The following SYTL3 variants were observed in gnomAD, a reference collection of about 807,000 sequenced individuals.
SYTL3 encodes the protein synaptotagmin like 3, also known as synaptotagmin-like protein 3.
Under a neutral mutation model 82.1 loss-of-function variants are expected in SYTL3, and 88 were observed. The observed-to-expected ratio is 1.07, with a 90% CI of 0.90 to 1.28. SYTL3 has a LOEUF of 1.28. Among genes scored for constraint, SYTL3 ranks in the 50% most tolerant of loss-of-function variants. SYTL3 has a pLI of 0.00. For missense variants in SYTL3, 831 were observed against 757.6 expected (o/e 1.10, Z -1.14); for synonymous variants, 311 against 289.4 (o/e 1.07, Z -0.76).
intron 2 of SYTL3, among the ~76,000 whole-genome samples, chr6:158,658,172 G>A (rs1239036041): frequency 6.6e-6 from 1 of 152,202 alleles, no homozygotes; most frequent in South Asian, 2.1e-4. Context: ...GATTACAGGC[G>A]TGAGCCACCA....
Position 158,708,382 on chromosome 6 carries a change from T to G in SYTL3, c.507T>G (p.Ser169Arg). The G allele has an allele frequency of 6.2e-7, 1 of 1,614,082 alleles. No homozygotes were observed. Among genetic ancestry groups the G allele is most frequent in the Non-Finnish European group, 8.5e-7 (1 of 1,179,950 alleles). ...PPVSESQCSR[S>R]PGRLQEFGQF... is the part of the protein sequence containing the mutation. ...TCAGCGAGAGCCAGTGCAGCCGCAGTCCTGGCAGGGTAACGTATCCATTCT... is the reference window on the plus strand; with the variant it reads ...TCAGCGAGAGCCAGTGCAGCCGCAGGCCTGGCAGGGTAACGTATCCATTCT... The change falls in exon 8 of 18, where the codon AGT (serine) becomes AGG (arginine). Residue 169 changes from serine to arginine, a missense_variant. Coordinates refer to ENST00000611299, the MANE Select transcript of SYTL3 (RefSeq NM_001242394.2).
chr6:158,761,999 C>T (rs772820841), intron 15 of SYTL3, 77 bp from the exon 16 acceptor site: 23 of 1,021,038 alleles, frequency 2.3e-5, no homozygotes, highest in African/African-American at 1.4e-4. Flanking sequence ...GCTGAGCTCT[C>T]GGTTTTGGGG....
At chr6:158,734,051 C>T (rs370024033) in intron 11 of SYTL3, among the ~76,000 whole-genome samples, 4 of 139,848 alleles carry the variant, frequency 2.9e-5, no homozygotes, top group Admixed American at 1.5e-4. Flanking sequence ...GCCGAGATTG[C>T]GCCACTGCAC....
chr6:158,730,890 G>A (rs1044726445), intron 11 of SYTL3, among the ~76,000 whole-genome samples: 1 of 152,252 alleles, frequency 6.6e-6, no homozygotes, highest in African/African-American at 2.4e-5. Context: ...TCGGGGTGGG[G>A]CGGTGAAGTA....
At chr6:158,699,000 G>T (rs990541601) in intron 6 of SYTL3, among the ~76,000 whole-genome samples, 8 of 152,166 alleles carry the variant, frequency 5.3e-5, no homozygotes, top group Non-Finnish European at 1.0e-4. Context: ...CCTTTCTCCT[G>T]ACTGCCTGTC....
Position 158,707,254 on chromosome 6 carries a change from A to G in SYTL3, c.419A>G (p.Gln140Arg). 1 of 1,613,976 alleles carries G rather than the reference A, an allele frequency of 6.2e-7. No individual in the cohort carries two copies. Among genetic ancestry groups the G allele is most frequent in the South Asian group, 1.1e-5 (1 of 91,086 alleles). ...GGCAAACATGAGACAGTTGGAGGGC[A>G]GCTCTTGCAATCTTATCAGAAGCTG... ...TGGKHETVGG[Q>R]LLQSYQKLSK... The change falls in exon 7 of 18, where the codon CAG becomes CGG. Residue 140 changes from glutamine (Q) to arginine (R), a missense_variant. By Grantham distance (43) the Gln-to-Arg change is conservative. Transcript: ENST00000611299.
At chr6:158,672,552 G>C (rs888826075) in intron 5 of SYTL3, among the ~76,000 whole-genome samples, 1 of 109,116 alleles carries the variant, frequency 9.2e-6, no homozygotes, top group African/African-American at 3.4e-5. Flanking sequence ...TGGTTTTTTT[G>C]TTTCTTTTTT....
At chr6:158,690,490 A>T (rs1010582890) in intron 6 of SYTL3, among the ~76,000 whole-genome samples, 3 of 152,104 alleles carry the variant, frequency 2.0e-5, no homozygotes, top group Non-Finnish European at 4.4e-5. Flanking sequence ...ATCTTATTGG[A>T]TATGTGCAAT....
chr6:158,723,432 T>C (rs553518533), intron 10 of SYTL3, among the ~76,000 whole-genome samples: 1 of 152,158 alleles, frequency 6.6e-6, no homozygotes, highest in Non-Finnish European at 1.5e-5. Flanking sequence ...TCCACTGACG[T>C]TGACTCCATT....
intron 10 of SYTL3, among the ~76,000 whole-genome samples, chr6:158,724,507 T>G (rs990535597): frequency 6.6e-6 from 1 of 152,250 alleles, no homozygotes. Context: ...TTTTCCCACC[T>G]TGCCCATTGT....
chr6:158,681,353 T>TA (rs1778670043), intron 5 of SYTL3, among the ~76,000 whole-genome samples: 1 of 152,130 alleles, frequency 6.6e-6, no homozygotes, highest in Non-Finnish European at 1.5e-5. Context: ...TGCATGTGAC[T>TA]AAGATGGTAG....
chr6:158,673,503 G>A (rs1217957441), intron 5 of SYTL3, among the ~76,000 whole-genome samples: 1 of 149,916 alleles, frequency 6.7e-6, no homozygotes, highest in African/African-American at 2.5e-5. Context: ...GCAGTGGGGC[G>A]ATCTCGGCTC....
intron 11 of SYTL3, among the ~76,000 whole-genome samples, chr6:158,733,413 G>A (rs1317772951): frequency 4.6e-5 from 7 of 151,904 alleles, no homozygotes; most frequent in South Asian, 2.1e-4. Context: ...TGCAAGCTCC[G>A]CCTCCCAGGT....
intron 11 of SYTL3, among the ~76,000 whole-genome samples, chr6:158,728,724 A>T (rs1342094539): frequency 6.6e-6 from 1 of 151,140 alleles, no homozygotes; most frequent in African/African-American, 2.4e-5. Context: ...GTGGATCATG[A>T]GGTCAGGAGA....
chr6:158,654,244 A>G (rs1365020666), intron 2 of SYTL3, among the ~76,000 whole-genome samples: 1 of 152,010 alleles, frequency 6.6e-6, no homozygotes, highest in Non-Finnish European at 1.5e-5. Flanking sequence ...CCATGTTATG[A>G]GTTATTTGTC....
chr6:158,653,636 C>T (rs1788316967), intron 2 of SYTL3, among the ~76,000 whole-genome samples: 1 of 152,234 alleles, frequency 6.6e-6, no homozygotes, highest in Non-Finnish European at 1.5e-5. Context: ...CACGCTGAAG[C>T]TGTGAAACTT....
At chr6:158,701,548 G>T (rs1033967283) in intron 6 of SYTL3, among the ~76,000 whole-genome samples, 7 of 117,118 alleles carry the variant, frequency 6.0e-5, no homozygotes, top group African/African-American at 1.6e-4. Context: ...GAGCTGTTCT[G>T]GGGGGGAGGA....
At chr6:158,761,955 C>T (rs1790036615) in intron 15 of SYTL3, 121 bp from the exon 16 acceptor site, 3 of 675,060 alleles carry the variant, frequency 4.4e-6, no homozygotes, top group Non-Finnish European at 7.7e-6. Flanking sequence ...CCCATCTGCT[C>T]TCTCGGGGTC....
chr6:158,681,429 G>T (rs1448630809), intron 5 of SYTL3, among the ~76,000 whole-genome samples: 1 of 152,134 alleles, frequency 6.6e-6, no homozygotes, highest in Non-Finnish European at 1.5e-5. Flanking sequence ...CCTTTCCCAT[G>T]ATTCACAAGT....
Sources: gnomAD v4.1 joint callset for allele counts (sites outside exome capture counted in the v4.1 genomes callset) on GRCh38, gnomAD v4.1.1 for gene constraint, MANE v1.5 for transcripts, NCBI Gene and HGNC (gene_info 2026-07-23, HGNC 2026-07-21) for gene names.